Variants in CAST observed in about 807,000 individuals in gnomAD.
CAST encodes the protein calpastatin.
In CAST, 76 loss-of-function variants were observed where a neutral mutation model predicts 119.6. The observed-to-expected ratio is 0.64, with a 90% CI of 0.53 to 0.77. The LOEUF is 0.77. Ranked by LOEUF, CAST falls within the 30% of genes least tolerant of loss-of-function variation. The pLI, the probability that CAST is intolerant of heterozygous loss-of-function variation, is 0.00. For missense variants in CAST, 953 were observed against 946.5 expected (o/e 1.01, Z -0.09); for synonymous variants, 319 against 331.6 (o/e 0.96, Z 0.41).
intron 1 of CAST, among the ~76,000 whole-genome samples, chr5:96,535,757 T>C (rs957719214): frequency 2.6e-5 from 4 of 151,218 alleles, no homozygotes; most frequent in Non-Finnish European, 4.4e-5. Context: ...GTATTTTTGG[T>C]AGAGACGGGG....
intron 1 of CAST, among the ~76,000 whole-genome samples, chr5:96,616,737 T>TCC (rs1747462393): frequency 9.2e-6 from 1 of 109,202 alleles, no homozygotes; most frequent in African/African-American, 4.0e-5. Flanking sequence ...TCGCTCTCTC[T>TCC]CTCTCTCTAT....
At chr5:96,726,465 T>G (rs956447736) in intron 4 of CAST, among the ~76,000 whole-genome samples, 11 of 152,234 alleles carry the variant, frequency 7.2e-5, no homozygotes, top group African/African-American at 2.7e-4. Flanking sequence ...TGTGACTATT[T>G]GATCATAACT....
chr5:96,403,093 A>G, the CAST span, among the ~76,000 whole-genome samples: 3 of 152,130 alleles, frequency 2.0e-5, no homozygotes, highest in Admixed American at 2.0e-4. Context: ...GCTTAAGGCA[A>G]GGTGCTGATA....
At chr5:96,299,554 T>A in the CAST span, among the ~76,000 whole-genome samples, 1 of 152,158 alleles carries the variant, frequency 6.6e-6, no homozygotes, top group African/African-American at 2.4e-5. Flanking sequence ...TGCAATCCTC[T>A]TTCCTCCTCC....
At chr5:96,233,449 T>C in the CAST span, among the ~76,000 whole-genome samples, 2 of 152,172 alleles carry the variant, frequency 1.3e-5, no homozygotes, top group African/African-American at 4.8e-5. Flanking sequence ...CATTACTCTT[T>C]GTATTTTAAA....
At chr5:96,619,893 G>T (rs1747564995) in intron 1 of CAST, among the ~76,000 whole-genome samples, 1 of 152,188 alleles carries the variant, frequency 6.6e-6, no homozygotes, top group Admixed American at 6.5e-5. Context: ...TACCTGACTT[G>T]AATTGGGTTC....
At chr5:96,726,125 G>A (rs1469227070) in intron 4 of CAST, among the ~76,000 whole-genome samples, 1 of 152,138 alleles carries the variant, frequency 6.6e-6, no homozygotes, top group African/African-American at 2.4e-5. Context: ...AGAAACAGCA[G>A]GAAGCATCGG....
At chr5:96,061,429 TG>T in the CAST span, among the ~76,000 whole-genome samples, 1 of 152,132 alleles carries the variant, frequency 6.6e-6, no homozygotes, top group Non-Finnish European at 1.5e-5. Flanking sequence ...ATTGTTTCAA[TG>T]GCAGTTCTCT....
chr5:96,169,313 C>G, the CAST span, among the ~76,000 whole-genome samples: 73 of 152,202 alleles, frequency 4.8e-4, 1 homozygote, highest in African/African-American at 1.5e-3. Context: ...GTCAGTCCAA[C>G]TGAAAGCGAA....
intron 3 of CAST, 46 bp downstream of exon 3, chr5:96,695,953 G>A (rs1449329241): frequency 5.8e-6 from 8 of 1,370,278 alleles, no homozygotes; most frequent in Non-Finnish European, 8.3e-6. Context: ...GTATTCTACA[G>A]GGATATGATT....
At chr5:96,768,379 T>G in intron 29 of CAST, 1 of 457,600 alleles carries the variant, frequency 2.2e-6, no homozygotes. Flanking sequence ...CCACTGCGCC[T>G]GGCCCTTACA....
chr5:96,489,582 G>T, the CAST span, among the ~76,000 whole-genome samples: 1 of 152,118 alleles, frequency 6.6e-6, no homozygotes, highest in Non-Finnish European at 1.5e-5. Flanking sequence ...TATGAATCCT[G>T]GCTCATATTG....
At chr5:96,284,768 T>C in the CAST span, among the ~76,000 whole-genome samples, 4 of 152,154 alleles carry the variant, frequency 2.6e-5, no homozygotes, top group Admixed American at 2.6e-4. Flanking sequence ...GGCAATTTAA[T>C]ATAGGAAAGT....
At chr5:96,271,151 G>A in the CAST span, among the ~76,000 whole-genome samples, 6 of 152,060 alleles carry the variant, frequency 3.9e-5, no homozygotes, top group African/African-American at 1.4e-4. Context: ...AAAAAGGAAA[G>A]ATATTCTGTG....
At chr5:96,405,767 A>G in the CAST span, among the ~76,000 whole-genome samples, 1 of 152,210 alleles carries the variant, frequency 6.6e-6, no homozygotes, top group Non-Finnish European at 1.5e-5. Context: ...CAAGGATTGC[A>G]CTTTTACAAT....
chr5:96,212,116 T>C, the CAST span, among the ~76,000 whole-genome samples: 1 of 152,094 alleles, frequency 6.6e-6, no homozygotes, highest in Non-Finnish European at 1.5e-5. Flanking sequence ...GTTTTTCTGG[T>C]TTCACATTAA....
chr5:96,236,115 A>G, the CAST span, among the ~76,000 whole-genome samples: 3,757 of 45,558 alleles, frequency 0.082, 129 homozygotes, highest in African/African-American at 0.14. Context: ...CTGTCTGTCT[A>G]TCTATCTATC....
At chr5:96,016,415 C>A in the CAST span, among the ~76,000 whole-genome samples, 15 of 152,294 alleles carry the variant, frequency 9.8e-5, no homozygotes, top group South Asian at 1.9e-3. Context: ...GTTTATCATA[C>A]CCTGCCTTAT....
chr5:96,536,568 T>C (rs528104794), intron 1 of CAST, among the ~76,000 whole-genome samples: 3 of 152,228 alleles, frequency 2.0e-5, no homozygotes, highest in Admixed American at 6.5e-5. Context: ...GAGAGGTAAT[T>C]ATAGAAGTGG....
Sources: gnomAD v4.1 joint callset for allele counts (sites outside exome capture counted in the v4.1 genomes callset) on GRCh38, gnomAD v4.1.1 for gene constraint, MANE v1.5 for transcripts, NCBI Gene and HGNC (gene_info 2026-07-23, HGNC 2026-07-21) for gene names.